The following TMEM8B variants were observed in gnomAD, a reference collection of about 807,000 sequenced individuals.
TMEM8B encodes nasopharyngeal carcinoma expressed 6.
A neutral mutation model predicts 49.3 loss-of-function variants in TMEM8B; 29 were observed. That is an observed-to-expected ratio of 0.59 (90% confidence interval 0.44 to 0.80). The LOEUF is 0.80. TMEM8B is among the 30% of genes least tolerant of loss of function. The pLI is 0.00. For missense variants in TMEM8B, 575 were observed against 658.5 expected (o/e 0.87, Z 1.39); for synonymous variants, 264 against 272.8 (o/e 0.97, Z 0.32).
intron 3 of TMEM8B, among the ~76,000 whole-genome samples, chr9:35,838,152 C>T (rs1363009192): frequency 6.6e-6 from 1 of 152,156 alleles, no homozygotes; most frequent in Non-Finnish European, 1.5e-5. Flanking sequence ...CCTCCTCCTA[C>T]ATTAGTTTAT....
chr9:35,842,291 C>T lies in TMEM8B; in HGVS notation c.1310-101C>T, dbSNP rs1022673389. ...ACATCGCATTCTAGTTCTCATCCTT[C>T]CCCACTCTTTGCGAAATCCTGTCTA... On this transcript the variant is annotated intron_variant, in intron 5 of 12. Coordinates refer to ENST00000643932, the MANE Select transcript of TMEM8B (RefSeq NM_001042590.4). The surrounding 1 kb of genome is among the most constrained non-coding windows in gnomAD (Gnocchi z 5.6). The T allele has an allele frequency of 1.3e-5, 12 of 891,550 alleles. No homozygotes were observed. The African/African-American group carries it at 1.9e-4, about 14-fold the overall frequency. The allele number at this position is 891,550 out of a possible 1,614,324, so 55.2% of individuals were successfully genotyped here. A position where few individuals can be genotyped will look rare whatever the true frequency, so the allele number is the denominator to read the frequency against.
At chr9:35,840,806 G>C (rs958218180) in intron 3 of TMEM8B, among the ~76,000 whole-genome samples, 2 of 152,168 alleles carry the variant, frequency 1.3e-5, no homozygotes, top group Non-Finnish European at 2.9e-5. Flanking sequence ...GTGCTGCTGG[G>C]CTGGCCCAGA....
chr9:35,832,091 CA>C (rs998612459), intron 1 of TMEM8B, among the ~76,000 whole-genome samples: 1 of 149,550 alleles, frequency 6.7e-6, no homozygotes, highest in Non-Finnish European at 1.5e-5. Context: ...CCTTGCTATT[CA>C]AAAAAAAATG....
At position 35,860,493 on chromosome 9, in the gene TMEM8B, C is replaced by T. The variant is rs1230438488; in HGVS notation, c.*6653C>T. 2.0e-5 allele frequency: 3 copies of T among 152,208 alleles called. No homozygotes were observed. Among genetic ancestry groups the T allele is most frequent in the Non-Finnish European group, 4.4e-5 (3 of 68,036 alleles). The allele number at this position is 152,208 out of a possible 1,614,324, so 9.4% of individuals were successfully genotyped here. A position where few individuals can be genotyped will look rare whatever the true frequency, so the allele number is the denominator to read the frequency against. On this transcript the variant is annotated 3_prime_UTR_variant, in exon 13 of 13. Transcript: ENST00000643932. The stretch of plus-strand genomic sequence containing the variant: ...AAAAGGATTCCACACCTGTCACAGG[C>T]GCTGCCCCACTCCCTGAGTCAGGTG...
rs912634957 is a variant in TMEM8B, at chr9:35,861,813, C to T, written c.*7973C>T. On this transcript the variant is annotated 3_prime_UTR_variant, in exon 13 of 13. Transcript: ENST00000643932. ...CCATCATCAGCTACAGGTGCCTCCT[C>T]TATCTACAGGTTCCTGCTCCATCTA... The T allele has an allele frequency of 6.6e-6, 1 of 152,252 alleles. No homozygotes were observed. Among genetic ancestry groups the T allele is most frequent in the Non-Finnish European group, 1.5e-5 (1 of 68,076 alleles). The allele number at this position is 152,252 out of a possible 1,614,324, so 9.4% of individuals were successfully genotyped here.
intron 6 of TMEM8B, chr9:35,845,644 C>T (rs1031708957): frequency 8.1e-5 from 80 of 985,302 alleles, no homozygotes; most frequent in Non-Finnish European, 8.6e-5. Flanking sequence ...CTGGCAACAG[C>T]CCTCCTTCTC....
In TMEM8B at chr9:35,853,951, T is replaced by C; in HGVS notation, c.*111T>C. 1 of 1,401,030 alleles carries C rather than the reference T, an allele frequency of 7.1e-7. No individual in the cohort carries two copies. The highest frequency in any genetic ancestry group is 1.7e-5 in the South Asian group (1 of 58,012). The allele number at this position is 1,401,030 out of a possible 1,614,324, so 86.8% of individuals were successfully genotyped here. On this transcript the variant is annotated 3_prime_UTR_variant, in exon 13 of 13. Coordinates refer to ENST00000643932, the MANE Select transcript of TMEM8B (RefSeq NM_001042590.4). The surrounding 1 kb of genome is among the most constrained non-coding windows in gnomAD (Gnocchi z 4.2). Reference sequence around the variant, plus strand: ...GGCTGTATTTCTTGAGGACATGGAGTCTTTCTCAAGGACACAAAACTCTTC... The same window carrying C: ...GGCTGTATTTCTTGAGGACATGGAGCCTTTCTCAAGGACACAAAACTCTTC...
rs776969825 is a variant in TMEM8B at position 35,846,271 on chromosome 9, C to G, written c.1743C>G (p.Gly581=). 3 of 1,614,230 alleles carry G rather than the reference C, an allele frequency of 1.9e-6. No individual in the cohort carries two copies. The Admixed American group carries it at 5.0e-5, about 27-fold the overall frequency. The part of the protein sequence containing the change: ...AVTCSKESLA[G]FLLSVSATTR... ...TTCTCCCTTCAGAGTCCCTGGCCGG[C>G]TTCCTCCTCTCTGTCAGTGCCACCA... The change falls in exon 8 of 13, where the codon GGC becomes GGG. Residue 581 remains glycine, a synonymous_variant. Coordinates refer to ENST00000643932, the MANE Select transcript of TMEM8B (RefSeq NM_001042590.4).
In TMEM8B at chr9:35,829,411, C is replaced by T; in HGVS notation, c.-37C>T. 2.9e-6 allele frequency: 1 copy of T among 345,786 alleles called. No individual in the cohort carries two copies. The highest frequency in any genetic ancestry group is 5.2e-6 in the Non-Finnish European group (1 of 192,848). 21.4% of individuals were successfully genotyped at this position (345,786 alleles called of 1,614,324 possible). ...CCGCGGGCCAGCTCTGCGAGCGCCC[C>T]GCGCTGGCCTGTCCGGCCCCGCCCC... is the stretch of plus-strand genomic sequence containing the variant. On this transcript the variant is annotated 5_prime_UTR_variant, in exon 1 of 13. Transcript: ENST00000643932.
In TMEM8B at chr9:35,860,356, A is replaced by G. The variant is rs1832628686; in HGVS notation, c.*6516A>G. The G allele has an allele frequency of 6.6e-6, 1 of 152,252 alleles. No homozygotes were observed. Among genetic ancestry groups the G allele is most frequent in the African/African-American group, 2.4e-5 (1 of 41,468 alleles). The allele number at this position is 152,252 out of a possible 1,614,324, so 9.4% of individuals were successfully genotyped here. A position where few individuals can be genotyped will look rare whatever the true frequency, so the allele number is the denominator to read the frequency against. ...TTCTACATTACGGTTTCATGTGACC[A>G]AATTATGGCCATAGTATTTCAGATT... is the stretch of plus-strand genomic sequence containing the variant. On this transcript the variant is annotated 3_prime_UTR_variant, in exon 13 of 13. Coordinates refer to ENST00000643932, the MANE Select transcript of TMEM8B (RefSeq NM_001042590.4).
rs1832676412 is a variant in TMEM8B at position 35,862,970 on chromosome 9, T to G, written c.*9130T>G. 6.6e-6 allele frequency: 1 copy of G among 152,196 alleles called. No individual in the cohort carries two copies. The highest frequency in any genetic ancestry group is 1.5e-5 in the Non-Finnish European group (1 of 68,044). The allele number at this position is 152,196 out of a possible 1,614,324, so 9.4% of individuals were successfully genotyped here. On this transcript the variant is annotated 3_prime_UTR_variant, in exon 13 of 13. Transcript: ENST00000643932. ...GTGATTGCCATTTGAGTTGAACTATTTATTGACATCCAGTGTTGTTCTGCC... is the reference window on the plus strand; with the variant it reads ...GTGATTGCCATTTGAGTTGAACTATGTATTGACATCCAGTGTTGTTCTGCC...
At position 35,841,854 on chromosome 9, in the gene TMEM8B, G is replaced by T; in HGVS notation, c.1309+60G>T. 1 of 414,820 alleles carries T rather than the reference G, an allele frequency of 2.4e-6. No homozygotes were observed. 25.7% of individuals were successfully genotyped at this position (414,820 alleles called of 1,614,324 possible). ...ACATCTGTGGTTGGGAAGTGACTTGGGTGGCTGTGTTCAGTGGCCCTCTGC... is the reference window on the plus strand; with the variant it reads ...ACATCTGTGGTTGGGAAGTGACTTGTGTGGCTGTGTTCAGTGGCCCTCTGC... On this transcript the variant is annotated intron_variant, in intron 5 of 12. Transcript: ENST00000643932. The surrounding 1 kb of genome is among the most constrained non-coding windows in gnomAD (Gnocchi z 5.9).
intron 9 of TMEM8B, 52 bp downstream of exon 9, chr9:35,846,663 T>C: frequency 1.3e-6 from 2 of 1,560,986 alleles, no homozygotes; most frequent in Non-Finnish European, 1.7e-6. Context: ...GTGGACCTGC[T>C]GGGCCTGTGG....
intron 6 of TMEM8B, chr9:35,845,598 C>G: frequency 1.0e-6 from 1 of 985,448 alleles, no homozygotes; most frequent in Non-Finnish European, 1.2e-6. Context: ...GATGGGAAAC[C>G]TTACAATTGC....
chr9:35,846,846 G>A lies in TMEM8B; in HGVS notation c.2026G>A (p.Ala676Thr), dbSNP rs1214873464. 1 of 1,614,162 alleles carries A rather than the reference G, an allele frequency of 6.2e-7. No homozygotes were observed. The highest frequency in any genetic ancestry group is 8.5e-7 in the Non-Finnish European group (1 of 1,180,026). Residue 676 changes from alanine (A) to threonine (T), a missense_variant, in exon 10 of 13, where the codon GCA becomes ACA. By Grantham distance (58) the Ala-to-Thr change is moderately conservative. Coordinates refer to ENST00000643932, the MANE Select transcript of TMEM8B (RefSeq NM_001042590.4). The stretch of plus-strand genomic sequence containing the variant: ...GAGAGGCTGGGGCTGCACCGACAGT[G>A]CAGATGCGCTCACCTATGGATTCCA... ...GWRGWGCTDS[A>T]DALTYGFQLL... is the part of the protein sequence containing the mutation.
intron 3 of TMEM8B, among the ~76,000 whole-genome samples, chr9:35,840,463 G>A (rs1830863333): frequency 6.6e-6 from 1 of 152,114 alleles, no homozygotes; most frequent in East Asian, 1.9e-4. Flanking sequence ...GTGTCTGGAG[G>A]AACAAACATC....
At chr9:35,830,270 A>G (rs1417847498) in intron 1 of TMEM8B, among the ~76,000 whole-genome samples, 1 of 152,138 alleles carries the variant, frequency 6.6e-6, no homozygotes, top group Non-Finnish European at 1.5e-5. Context: ...CCTGCTCACA[A>G]AGTTTGATGG....
chr9:35,829,564 G>T lies in TMEM8B; in HGVS notation c.117G>T (p.Arg39Ser). 1 of 397,332 alleles carries T rather than the reference G, an allele frequency of 2.5e-6. No individual in the cohort carries two copies. The highest frequency in any genetic ancestry group is 4.4e-6 in the Non-Finnish European group (1 of 225,526). The allele number at this position is 397,332 out of a possible 1,614,324, so 24.6% of individuals were successfully genotyped here. ...AGCCCCTGCCTGGGTCCCCATCCAG[G>T]ACCCCCTTCCAGTCTCTGCCCCTGG... ...RPQPLPGSPS[R>S]TPFQSLPLAW... is the part of the protein sequence containing the mutation. The change falls in exon 1 of 13, where the codon AGG (arginine) becomes AGT (serine). Residue 39 changes from arginine to serine, a missense_variant. Coordinates refer to ENST00000643932, the MANE Select transcript of TMEM8B (RefSeq NM_001042590.4).
In TMEM8B at chr9:35,858,930, C is replaced by G. The variant is rs1309037326; in HGVS notation, c.*5090C>G. 1 of 152,496 alleles carries G rather than the reference C, an allele frequency of 6.6e-6. No homozygotes were observed. The highest frequency in any genetic ancestry group is 6.5e-5 in the Admixed American group (1 of 15,280). The allele number at this position is 152,496 out of a possible 1,614,324, so 9.4% of individuals were successfully genotyped here. A position where few individuals can be genotyped will look rare whatever the true frequency, so the allele number is the denominator to read the frequency against. ...GAAGCCCCACCAGCCTCTGGTGGAC[C>G]TGCATCAGGAGCAAGAAACAAACCT... is the stretch of plus-strand genomic sequence containing the variant. On this transcript the variant is annotated 3_prime_UTR_variant, in exon 13 of 13. Transcript: ENST00000643932.
Sources: allele counts gnomAD v4.1 joint callset (sites outside exome capture counted in the v4.1 genomes callset), GRCh38; gene constraint gnomAD v4.1.1; non-coding constraint Gnocchi (gnomAD v3.1); transcripts MANE v1.5; gene names NCBI Gene and HGNC (gene_info 2026-07-23, HGNC 2026-07-21).